TEX11: variants seen among roughly 807,000 people sequenced by gnomAD.
TEX11 encodes testis-expressed protein 11.
A neutral mutation model predicts 84.4 loss-of-function variants in TEX11; 7 were observed. That is an observed-to-expected ratio of 0.08 (90% CI 0.05 to 0.16). TEX11 has a LOEUF of 0.16. Among genes scored for constraint, TEX11 ranks in the 10% least tolerant of loss-of-function variants. TEX11 has a pLI of 1.00. For synonymous variants in TEX11, 264 were observed against 222.8 expected (o/e 1.18, Z -1.64); for missense variants, 551 against 660.5 (o/e 0.83, Z 1.82).
intron 5 of TEX11, among the ~76,000 whole-genome samples, chrX:70,854,556 C>A (rs2091524576): frequency 9.0e-6 from 1 of 110,544 alleles, no homozygotes; most frequent in African/African-American, 3.3e-5. Flanking sequence ...CATAACATAG[C>A]AAGACCCTGT....
chrX:70,760,588 T>G (rs181554511), intron 9 of TEX11, among the ~76,000 whole-genome samples: 1 of 111,632 alleles, frequency 9.0e-6, no homozygotes, highest in Non-Finnish European at 1.9e-5. Flanking sequence ...CCCTTCCTTA[T>G]AGCTTATAGA....
chrX:70,753,649 A>T (rs956968330), intron 9 of TEX11, among the ~76,000 whole-genome samples: 4 of 110,494 alleles, frequency 3.6e-5, no homozygotes, highest in African/African-American at 1.3e-4. Context: ...TTCAGGTGAG[A>T]CTCAGTGCAT....
Position 70,605,406 on chromosome X carries a change from C to G in TEX11, c.2062G>C (p.Glu688Gln). Residue 688 changes from glutamate to glutamine, a missense_variant, in exon 24 of 30, where the codon GAA (glutamate) becomes CAA (glutamine). Coordinates refer to ENST00000374333, the MANE Select transcript of TEX11 (RefSeq NM_031276.3). ...EQGRKASTAF[E>Q]QTMFLSRALE... ...CTTTGAAGGTTGCACATTACCTGTTCAAAAGCTGTTGAAGCTTTTCTCCCT... is the reference window on the plus strand; with the variant it reads ...CTTTGAAGGTTGCACATTACCTGTTGAAAAGCTGTTGAAGCTTTTCTCCCT... 8.4e-7 allele frequency: 1 copy of G among 1,187,369 alleles called. No homozygotes were observed. The highest frequency in any genetic ancestry group is 1.1e-6 in the Non-Finnish European group (1 of 874,352).
chrX:70,740,580 G>T, intron 11 of TEX11, 121 bp downstream of exon 11: 1 of 416,238 alleles, frequency 2.4e-6, no homozygotes, highest in Non-Finnish European at 4.0e-6. Flanking sequence ...CTGTGCTATA[G>T]AAGAGATTAT....
At chrX:70,907,033 CCATAAATAGCAAA>C (rs1380349258) in intron 2 of TEX11, among the ~76,000 whole-genome samples, 1 of 110,995 alleles carries the variant, frequency 9.0e-6, no homozygotes, top group Non-Finnish European at 1.9e-5. Context: ...TTGAGAGTTC[CCATAAATAGCAAA>C]CATGGATTAC....
At chrX:70,718,051 G>A (rs1468209557) in intron 13 of TEX11, among the ~76,000 whole-genome samples, 5 of 111,920 alleles carry the variant, frequency 4.5e-5, no homozygotes, top group Non-Finnish European at 9.4e-5. Flanking sequence ...GGCTGATAGG[G>A]AAAAGTAGAT....
At chrX:70,607,051 CATA>C (rs768083845) in intron 22 of TEX11, 22 bp from the exon 23 acceptor site, 3 of 1,126,302 alleles carry the variant, frequency 2.7e-6, no homozygotes, top group Non-Finnish European at 3.6e-6. Context: ...CATGAAATAA[CATA>C]ATAATATGAA....
chrX:70,768,438 C>G (rs1451308159), intron 9 of TEX11, among the ~76,000 whole-genome samples: 2 of 111,531 alleles, frequency 1.8e-5, no homozygotes, highest in East Asian at 5.6e-4. Context: ...CATTTTCACA[C>G]TGCCATAAAG....
intron 18 of TEX11, among the ~76,000 whole-genome samples, chrX:70,628,249 A>C (rs2089471445): frequency 9.2e-6 from 1 of 108,869 alleles, no homozygotes; most frequent in Admixed American, 9.8e-5. Flanking sequence ...AAAAGCCACT[A>C]TTACATCAGG....
intron 25 of TEX11, among the ~76,000 whole-genome samples, chrX:70,586,051 A>C (rs2088849070): frequency 8.9e-6 from 1 of 112,762 alleles, no homozygotes; most frequent in Non-Finnish European, 1.9e-5. Flanking sequence ...ACTCCGTCTC[A>C]AAACAAACAA....
intron 9 of TEX11, among the ~76,000 whole-genome samples, chrX:70,747,649 G>A (rs528412478): frequency 2.7e-5 from 3 of 111,682 alleles, no homozygotes; most frequent in South Asian, 7.4e-4. Flanking sequence ...TTATAATTAC[G>A]TCCAAAGAAT....
intron 25 of TEX11, among the ~76,000 whole-genome samples, chrX:70,588,933 A>C (rs1384878163): frequency 3.9e-5 from 3 of 76,253 alleles, no homozygotes; most frequent in African/African-American, 1.3e-4. Context: ...ACCCCAACTC[A>C]AAAAAAAAAA....
intron 9 of TEX11, among the ~76,000 whole-genome samples, chrX:70,750,534 A>T (rs1372302647): frequency 9.1e-5 from 10 of 109,917 alleles, no homozygotes; most frequent in Admixed American, 3.9e-4. Flanking sequence ...ATGTCCAACA[A>T]TGATAGACTG....
chrX:70,797,592 C>T (rs2091162837), intron 9 of TEX11, among the ~76,000 whole-genome samples: 1 of 109,365 alleles, frequency 9.1e-6, no homozygotes, highest in Admixed American at 9.9e-5. Context: ...AAAAAACTAT[C>T]CCTGATGAAC....
intron 2 of TEX11, among the ~76,000 whole-genome samples, chrX:70,892,027 T>C (rs2091740751): frequency 9.0e-6 from 1 of 111,554 alleles, no homozygotes; most frequent in South Asian, 3.7e-4. Context: ...AGAATAACAG[T>C]GGATCTCTCT....
intron 20 of TEX11, among the ~76,000 whole-genome samples, chrX:70,620,788 C>T (rs958371394): frequency 2.5e-4 from 28 of 111,961 alleles, no homozygotes; most frequent in African/African-American, 9.1e-4. Context: ...CACAAAAATA[C>T]ATGGAGGAAC....
chrX:70,555,030 G>A (rs1242505592), intron 25 of TEX11, among the ~76,000 whole-genome samples: 2 of 111,504 alleles, frequency 1.8e-5, no homozygotes, highest in East Asian at 2.8e-4. Context: ...ATTCTGTAGC[G>A]CATTCACTAG....
intron 9 of TEX11, among the ~76,000 whole-genome samples, chrX:70,748,980 G>C (rs1383493396): frequency 1.9e-5 from 2 of 105,778 alleles, no homozygotes; most frequent in East Asian, 6.1e-4. Context: ...AGCTTGATGG[G>C]GATGGCATTG....
the TEX11 span, among the ~76,000 whole-genome samples, chrX:70,521,879 G>A: frequency 9.2e-6 from 1 of 108,884 alleles, no homozygotes; most frequent in Admixed American, 9.8e-5. Flanking sequence ...TTTTTTTTGA[G>A]ACAGAGTCTC....
Sources: gnomAD v4.1 joint callset for allele counts (sites outside exome capture counted in the v4.1 genomes callset) on GRCh38, gnomAD v4.1.1 for gene constraint, MANE v1.5 for transcripts, NCBI Gene and HGNC (gene_info 2026-07-23, HGNC 2026-07-21) for gene names.